Variants in NREP observed in about 807,000 individuals in gnomAD.
The protein encoded by NREP is neuronal regeneration related protein.
In NREP, 5 loss-of-function variants were observed where a neutral mutation model predicts 8.6. The observed-to-expected ratio is 0.58, with a 90% CI of 0.30 to 1.22. The LOEUF (loss-of-function observed/expected upper bound fraction) is 1.22. Ranked by LOEUF, NREP falls within the 50% of genes most tolerant of loss-of-function variation. The probability of loss-of-function intolerance (pLI) is 0.07; values close to 1 mark genes in which losing one functional copy is unlikely to be tolerated. For missense variants in NREP, 86 were observed against 82.5 expected (o/e 1.04, Z -0.17); for synonymous variants, 27 against 28.0 (o/e 0.96, Z 0.11).
intron 2 of NREP, among the ~76,000 whole-genome samples, chr5:111,923,295 C>G (rs1289090680): frequency 6.6e-6 from 1 of 152,168 alleles, no homozygotes; most frequent in Non-Finnish European, 1.5e-5. Flanking sequence ...CTTACAGACT[C>G]CCTGCTCCAC....
intron 2 of NREP, among the ~76,000 whole-genome samples, chr5:111,957,012 T>C (rs573280458): frequency 6.7e-6 from 1 of 148,202 alleles, no homozygotes; most frequent in Non-Finnish European, 1.5e-5. Context: ...GCCAGTTAAG[T>C]ACAATGACAT....
intron 2 of NREP, among the ~76,000 whole-genome samples, chr5:111,933,219 T>C (rs530875589): frequency 6.6e-6 from 1 of 152,266 alleles, no homozygotes; most frequent in South Asian, 2.1e-4. Flanking sequence ...TATGGTTCTC[T>C]GTCTTTGATT....
chr5:111,802,205 T>C (rs2112905191), intron 2 of NREP, among the ~76,000 whole-genome samples: 1 of 152,218 alleles, frequency 6.6e-6, no homozygotes, highest in Middle Eastern at 3.4e-3. Flanking sequence ...AATAGAGCCA[T>C]GAAGGAAAAA....
chr5:111,767,455 G>A (rs749075100), intron 2 of NREP, among the ~76,000 whole-genome samples: 17 of 152,076 alleles, frequency 1.1e-4, no homozygotes, highest in Middle Eastern at 6.3e-3. Context: ...CTACCTGAAG[G>A]ACCCACAAGC....
intron 2 of NREP, among the ~76,000 whole-genome samples, chr5:111,839,904 A>G (rs1332415169): frequency 6.6e-6 from 1 of 152,056 alleles, no homozygotes; most frequent in Non-Finnish European, 1.5e-5. Flanking sequence ...TATTAACTCC[A>G]TTTTACAGAG....
At chr5:111,758,058 C>G (rs998831277), upstream of NREP, 1 of 985,460 alleles carries the variant, frequency 1.0e-6, no homozygotes. Context: ...CGCGGAGCCG[C>G]GCTCAGACAC....
At chr5:111,810,033 C>G (rs1402914678) in intron 2 of NREP, among the ~76,000 whole-genome samples, 3 of 151,182 alleles carry the variant, frequency 2.0e-5, no homozygotes, top group Non-Finnish European at 4.4e-5. Flanking sequence ...ACCAATCAGA[C>G]TAATCTCATA....
chr5:111,848,287 T>G (rs1157319958), intron 2 of NREP, among the ~76,000 whole-genome samples: 2 of 152,180 alleles, frequency 1.3e-5, no homozygotes, highest in African/African-American at 2.4e-5. Context: ...TATGGATATA[T>G]TTCTAGTTCT....
At chr5:111,833,122 T>C (rs570700166) in intron 2 of NREP, among the ~76,000 whole-genome samples, 1 of 152,176 alleles carries the variant, frequency 6.6e-6, no homozygotes, top group Non-Finnish European at 1.5e-5. Flanking sequence ...AAGGTGTTCA[T>C]AAAAGACCTG....
chr5:111,826,193 C>T (rs985598097), intron 2 of NREP, among the ~76,000 whole-genome samples: 4 of 152,070 alleles, frequency 2.6e-5, no homozygotes, highest in Non-Finnish European at 4.4e-5. Context: ...GCTAAAGGTT[C>T]GTAAACGCAC....
chr5:111,923,012 T>C (rs1276444638), intron 2 of NREP, among the ~76,000 whole-genome samples: 1 of 152,170 alleles, frequency 6.6e-6, no homozygotes, highest in Non-Finnish European at 1.5e-5. Flanking sequence ...TGCTACTTCT[T>C]CTGGAAGGAA....
chr5:111,895,351 G>C (rs1754482798), intron 2 of NREP, among the ~76,000 whole-genome samples: 1 of 152,184 alleles, frequency 6.6e-6, no homozygotes, highest in Non-Finnish European at 1.5e-5. Flanking sequence ...CTGGGGAAGA[G>C]AAACATTTTC....
chr5:111,768,982 G>C (rs542682732), intron 2 of NREP, among the ~76,000 whole-genome samples: 1 of 152,216 alleles, frequency 6.6e-6, no homozygotes, highest in Admixed American at 6.5e-5. Context: ...CCCATCAACA[G>C]TGTAAAAGCA....
In NREP at chr5:111,772,640, C is replaced by T. The variant is rs186459037; in HGVS notation, c.136-37133G>A. Among the ~76,000 whole-genome samples the T allele has an allele frequency of 2.9e-3, 442 of 152,032 alleles. 1 individual carries two copies. The highest frequency in any genetic ancestry group is 9.9e-3 in the African/African-American group (411 of 41,470). On this transcript the variant is annotated intron_variant, in intron 2 of 3. Transcript: ENST00000395634. ...CAACAAGTCCTCTCATTCAGCCCCT[C>T]CCCCGAGACACCAACAGGGATGCTG...
At chr5:111,747,156 G>A (rs1042913234) in intron 2 of NREP, among the ~76,000 whole-genome samples, 1 of 152,076 alleles carries the variant, frequency 6.6e-6, no homozygotes. Flanking sequence ...CCTTACTTGG[G>A]TCATGTTTAT....
intron 2 of NREP, among the ~76,000 whole-genome samples, chr5:111,751,224 C>A (rs1750341878): frequency 6.6e-6 from 1 of 152,144 alleles, no homozygotes; most frequent in African/African-American, 2.4e-5. Flanking sequence ...GAAAGAAATG[C>A]ATATGATCCA....
intron 2 of NREP, among the ~76,000 whole-genome samples, chr5:111,771,535 G>C (rs1437667578): frequency 6.6e-6 from 1 of 152,048 alleles, no homozygotes; most frequent in African/African-American, 2.4e-5. Context: ...GGCTGAGGGG[G>C]GCGGATAGCC....
intron 2 of NREP, among the ~76,000 whole-genome samples, chr5:111,848,487 G>A (rs775915427): frequency 5.3e-5 from 8 of 152,008 alleles, no homozygotes; most frequent in Non-Finnish European, 1.0e-4. Context: ...TTAAAATCAG[G>A]CATACAAAAG....
intron 2 of NREP, among the ~76,000 whole-genome samples, chr5:111,883,148 G>T (rs1427424641): frequency 6.6e-6 from 1 of 151,672 alleles, no homozygotes; most frequent in South Asian, 2.1e-4. Flanking sequence ...CAAGCAAATG[G>T]AAAACAAAAA....
Sources: gnomAD v4.1 joint callset for allele counts (sites outside exome capture counted in the v4.1 genomes callset) on GRCh38, gnomAD v4.1.1 for gene constraint, MANE v1.5 for transcripts, NCBI Gene and HGNC (gene_info 2026-07-23, HGNC 2026-07-21) for gene names.